The following PCSK6 variants were observed in gnomAD, a reference collection of about 807,000 sequenced individuals.
PCSK6 encodes the protein paired basic amino acid cleaving enzyme 4.
Under a neutral mutation model 123.3 loss-of-function variants are expected in PCSK6, and 85 were observed. The ratio of observed to expected loss-of-function variants is 0.69; its 90% confidence interval spans 0.58 to 0.83. The LOEUF is 0.83. PCSK6 is among the 40% of genes least tolerant of loss of function. The pLI is 0.00. For synonymous variants in PCSK6, 508 were observed against 516.0 expected (o/e 0.98, Z 0.21); for missense variants, 1,191 against 1,282.3 (o/e 0.93, Z 1.09).
At chr15:101,446,584 C>T (rs181063509) in intron 1 of PCSK6, among the ~76,000 whole-genome samples, 69 of 152,326 alleles carry the variant, frequency 4.5e-4, no homozygotes, top group African/African-American at 1.5e-3. Context: ...CTTCCTACTA[C>T]AATAGCAGAG....
At chr15:101,441,783 C>T (rs868622408) in intron 2 of PCSK6, among the ~76,000 whole-genome samples, 8 of 152,272 alleles carry the variant, frequency 5.3e-5, no homozygotes, top group East Asian at 1.9e-4. Flanking sequence ...TGTAACTATC[C>T]GCGTGGTGGC....
At chr15:101,324,733 C>G (rs2040207996) in intron 17 of PCSK6, 117 bp downstream of exon 17, 2 of 873,294 alleles carry the variant, frequency 2.3e-6, no homozygotes. Context: ...AGTCCTTACT[C>G]AGAACAACAA....
chr15:101,405,552 A>G (rs1314351359), intron 6 of PCSK6, among the ~76,000 whole-genome samples: 16 of 152,196 alleles, frequency 1.1e-4, no homozygotes, highest in Non-Finnish European at 2.4e-4. Flanking sequence ...TCCATCCAGG[A>G]AGGAATCACA....
intron 13 of PCSK6, among the ~76,000 whole-genome samples, chr15:101,333,008 T>C (rs1270483505): frequency 6.6e-6 from 1 of 152,254 alleles, no homozygotes; most frequent in Non-Finnish European, 1.5e-5. Flanking sequence ...GATGGGGCTA[T>C]GTTGGGATGA....
At chr15:101,326,536 G>T in intron 15 of PCSK6, 57 bp from the exon 16 acceptor site, 1 of 1,450,884 alleles carries the variant, frequency 6.9e-7, no homozygotes, top group Non-Finnish European at 9.5e-7. Flanking sequence ...ATCTACTGCA[G>T]TCCCGCGGAT....
intron 6 of PCSK6, among the ~76,000 whole-genome samples, chr15:101,410,840 C>A (rs1335375120): frequency 6.6e-6 from 1 of 152,196 alleles, no homozygotes; most frequent in Non-Finnish European, 1.5e-5. Flanking sequence ...CTCTGTTAGT[C>A]TCCCCTGGTG....
intron 6 of PCSK6, among the ~76,000 whole-genome samples, chr15:101,419,537 C>CT (rs3031795): frequency 0.32 from 46,324 of 143,442 alleles, 7,716 homozygotes; most frequent in African/African-American, 0.45. Context: ...CCCAACAGGG[C>CT]TTTTTTTTTT....
intron 13 of PCSK6, among the ~76,000 whole-genome samples, chr15:101,335,114 C>G (rs563009394): frequency 6.6e-6 from 1 of 152,276 alleles, no homozygotes; most frequent in African/African-American, 2.4e-5. Context: ...TGTGCACCAC[C>G]ACGCCCGGCT....
intron 8 of PCSK6, among the ~76,000 whole-genome samples, chr15:101,389,965 C>T (rs8031021): frequency 0.44 from 66,212 of 152,068 alleles, 15,382 homozygotes; most frequent in Non-Finnish European, 0.53. Context: ...AGAGTACCCA[C>T]GGCAAAACCA....
chr15:101,461,137 A>G (rs1410405840), intron 1 of PCSK6, among the ~76,000 whole-genome samples: 1 of 152,250 alleles, frequency 6.6e-6, no homozygotes. Flanking sequence ...AAAGAAAAAA[A>G]TTAAGGCGCA....
At chr15:101,377,144 T>A (rs3784496) in intron 11 of PCSK6, among the ~76,000 whole-genome samples, 2 of 152,304 alleles carry the variant, frequency 1.3e-5, no homozygotes, top group Non-Finnish European at 2.9e-5. Flanking sequence ...GCTGGGCTCC[T>A]GGCCTCACCA....
intron 1 of PCSK6, among the ~76,000 whole-genome samples, chr15:101,457,107 G>A (rs1373839465): frequency 1.3e-5 from 2 of 152,152 alleles, no homozygotes; most frequent in Non-Finnish European, 2.9e-5. Flanking sequence ...AGGAGGCGGA[G>A]GTTGCAGTGA....
intron 13 of PCSK6, chr15:101,347,780 G>C: frequency 6.2e-7 from 1 of 1,611,414 alleles, no homozygotes; most frequent in Non-Finnish European, 8.5e-7. Flanking sequence ...CAGGTTCCCT[G>C]GAAAACAAGG....
At chr15:101,484,029 G>A (rs1474351915) in intron 1 of PCSK6, among the ~76,000 whole-genome samples, 1 of 152,016 alleles carries the variant, frequency 6.6e-6, no homozygotes, top group African/African-American at 2.4e-5. Flanking sequence ...ATGTATATAG[G>A]TATATGCGTC....
chr15:101,443,738 T>C, intron 1 of PCSK6, 78 bp from the exon 2 acceptor site: 2 of 996,974 alleles, frequency 2.0e-6, no homozygotes, highest in Non-Finnish European at 3.2e-6. Flanking sequence ...CACAAGAATC[T>C]CCCCCTTATC....
intron 1 of PCSK6, among the ~76,000 whole-genome samples, chr15:101,452,450 T>A (rs539435059): frequency 6.6e-6 from 1 of 152,314 alleles, no homozygotes; most frequent in African/African-American, 2.4e-5. Context: ...GAGTATTCAT[T>A]TTTGTTTTGT....
At chr15:101,462,548 T>C (rs1397160736) in intron 1 of PCSK6, among the ~76,000 whole-genome samples, 1 of 152,148 alleles carries the variant, frequency 6.6e-6, no homozygotes, top group Non-Finnish European at 1.5e-5. Flanking sequence ...CTGAAGTCTG[T>C]GAGGCACTGG....
At chr15:101,431,044 TC>T (rs1462120904) in intron 4 of PCSK6, among the ~76,000 whole-genome samples, 8 of 152,160 alleles carry the variant, frequency 5.3e-5, no homozygotes, top group Non-Finnish European at 1.0e-4. Flanking sequence ...ACGCTGATGA[TC>T]CCCCTCCATG....
At chr15:101,383,173 C>T (rs2041955886) in intron 10 of PCSK6, among the ~76,000 whole-genome samples, 2 of 152,130 alleles carry the variant, frequency 1.3e-5, no homozygotes, top group East Asian at 3.9e-4. Context: ...CTTTGGGAGG[C>T]CAAGGCAGGT....
Sources: allele counts gnomAD v4.1 joint callset (sites outside exome capture counted in the v4.1 genomes callset), GRCh38; gene constraint gnomAD v4.1.1; transcripts MANE v1.5; gene names NCBI Gene and HGNC (gene_info 2026-07-23, HGNC 2026-07-21).